The following POU2AF1 variants were observed in gnomAD, a reference collection of about 807,000 sequenced individuals.
The protein encoded by POU2AF1 is POU class 2 homeobox associating factor 1, also known as POU domain class 2-associating factor 1.
POU2AF1 carries 12 observed loss-of-function variants against 26.3 expected under a neutral mutation model. The observed-to-expected ratio is 0.46, with a 90% CI of 0.29 to 0.74. The LOEUF (loss-of-function observed/expected upper bound fraction) is 0.74, where lower values mean the gene tolerates loss of function less well. Among genes scored for constraint, POU2AF1 ranks in the 30% least tolerant of loss-of-function variants. POU2AF1 has a pLI of 0.09. For missense variants in POU2AF1, 297 were observed against 334.5 expected (o/e 0.89, Z 0.87); for synonymous variants, 175 against 148.0 (o/e 1.18, Z -1.32).
intron 1 of POU2AF1, among the ~76,000 whole-genome samples, chr11:111,371,935 A>C (rs976186215): frequency 6.6e-6 from 1 of 152,000 alleles, no homozygotes. Flanking sequence ...TAACTACTAA[A>C]GGCAAAGAAA....
chr11:111,360,438 G>T (rs778022884), intron 1 of POU2AF1, among the ~76,000 whole-genome samples: 5 of 152,232 alleles, frequency 3.3e-5, no homozygotes, highest in African/African-American at 1.2e-4. Flanking sequence ...CACGAGCAAG[G>T]CCTGGCCTTG....
chr11:111,354,556 G>C lies in POU2AF1; in HGVS notation c.476C>G (p.Pro159Arg). The C allele has an allele frequency of 6.5e-7, 1 of 1,534,798 alleles. No homozygotes were observed. The highest frequency in any genetic ancestry group is 8.7e-7 in the Non-Finnish European group (1 of 1,146,744). The change falls in exon 5 of 5, where the codon CCC (proline) becomes CGC (arginine). Residue 159 changes from proline (P) to arginine (R), a missense_variant. Transcript: ENST00000393067. The part of the protein sequence containing the change: ...TNVTTRSSAT[P>R]AVGPPLEGPE... ...GCCCTCCAGCGGGGGCCCCACTGCGGGCGTGGCGGAGCTTCTTGTCTGTGA... is the reference window on the plus strand; with the variant it reads ...GCCCTCCAGCGGGGGCCCCACTGCGCGCGTGGCGGAGCTTCTTGTCTGTGA...
At chr11:111,365,278 G>A (rs1288244011) in intron 1 of POU2AF1, among the ~76,000 whole-genome samples, 3 of 152,220 alleles carry the variant, frequency 2.0e-5, no homozygotes, top group Non-Finnish European at 4.4e-5. Flanking sequence ...CATGATGCAA[G>A]GGATTCCTTT....
intron 1 of POU2AF1, among the ~76,000 whole-genome samples, chr11:111,375,318 T>C (rs1861285758): frequency 6.6e-6 from 1 of 152,086 alleles, no homozygotes; most frequent in African/African-American, 2.4e-5. Flanking sequence ...TTGTACAAAT[T>C]ATTTAATGAA....
At chr11:111,361,491 C>T (rs1253825345) in intron 1 of POU2AF1, among the ~76,000 whole-genome samples, 1 of 152,250 alleles carries the variant, frequency 6.6e-6, no homozygotes, top group Admixed American at 6.5e-5. Context: ...TCTTCTCTCA[C>T]ACAGTGGTTG....
At chr11:111,357,877 C>A (rs76889866) in intron 2 of POU2AF1, 40 bp from the exon 3 acceptor site, 96,386 of 1,564,336 alleles carry the variant, frequency 0.062, 3,360 homozygotes, top group African/African-American at 0.12. Context: ...ATGTTTAGCC[C>A]TCGTCAACCG....
At chr11:111,360,257 A>G (rs1860979341) in intron 1 of POU2AF1, among the ~76,000 whole-genome samples, 1 of 152,096 alleles carries the variant, frequency 6.6e-6, no homozygotes, top group Non-Finnish European at 1.5e-5. Flanking sequence ...GCCCATTATT[A>G]TCCACCGATA....
At position 111,352,961 on chromosome 11, in the gene POU2AF1, G is replaced by GAC. The variant is rs1245981624; in HGVS notation, c.*1299_*1300insGT. 1 of 148,586 alleles carries GAC rather than the reference G, an allele frequency of 6.7e-6. No homozygotes were observed. Among genetic ancestry groups the GAC allele is most frequent in the Non-Finnish European group, 1.4e-5 (1 of 73,208 alleles). The allele number at this position is 148,586 out of a possible 1,614,324, so 9.2% of individuals were successfully genotyped here. A position where few individuals can be genotyped will look rare whatever the true frequency, so the allele number is the denominator to read the frequency against. On this transcript the variant is annotated 3_prime_UTR_variant, in exon 5 of 5. Transcript: ENST00000393067. ...AAAAACCAAAAAAAAGAAAGAAAGA[G>GAC]AGAGGAAGGAAGGAAGGAAGGAAGG...
chr11:111,376,492 GC>G lies in POU2AF1; in HGVS notation c.16+2669del, dbSNP rs1861312358. 5.3e-5 allele frequency among the ~76,000 whole-genome samples: 8 copies of G among 152,190 alleles called. No individual in the cohort carries two copies. The South Asian group carries it at 1.7e-3, about 31-fold the overall frequency. On this transcript the variant is annotated intron_variant, in intron 1 of 4. Transcript: ENST00000393067. ...GCAAATCTCAAATCCATTGGTTGGG[GC>G]TTGAAGATTTCTACTTCTCTGTGCC...
intron 1 of POU2AF1, among the ~76,000 whole-genome samples, chr11:111,367,945 G>C (rs1051824572): frequency 6.6e-6 from 1 of 152,136 alleles, no homozygotes; most frequent in African/African-American, 2.4e-5. Context: ...GAGCAGAAAG[G>C]GTTCGCAGAT....
chr11:111,375,390 C>T (rs917961776), intron 1 of POU2AF1, among the ~76,000 whole-genome samples: 115 of 79,478 alleles, frequency 1.4e-3, no homozygotes, highest in Admixed American at 2.1e-3. Flanking sequence ...TACTGAGTAT[C>T]TTTTTTTTTT....
chr11:111,377,395 A>G (rs1861329038), intron 1 of POU2AF1, among the ~76,000 whole-genome samples: 1 of 152,052 alleles, frequency 6.6e-6, no homozygotes, highest in Admixed American at 6.6e-5. Flanking sequence ...ACAAACAAAC[A>G]AACAAAAAAA....
intron 1 of POU2AF1, among the ~76,000 whole-genome samples, chr11:111,370,663 G>A (rs1367157818): frequency 1.3e-5 from 2 of 152,146 alleles, no homozygotes; most frequent in African/African-American, 4.8e-5. Flanking sequence ...AGTAGATTTG[G>A]TTTGAATAAG....
At chr11:111,359,754 C>A (rs373209310) in intron 1 of POU2AF1, among the ~76,000 whole-genome samples, 3 of 152,352 alleles carry the variant, frequency 2.0e-5, no homozygotes, top group East Asian at 1.9e-4. Flanking sequence ...AGATTATAAA[C>A]GTCTCAAGGT....
At chr11:111,360,153 C>T (rs760302971) in intron 1 of POU2AF1, among the ~76,000 whole-genome samples, 2 of 152,204 alleles carry the variant, frequency 1.3e-5, no homozygotes, top group African/African-American at 2.4e-5. Flanking sequence ...AACAAGCTGC[C>T]CACCTAGACA....
In POU2AF1 at chr11:111,374,434, C is replaced by T. The variant is rs141527779; in HGVS notation, c.16+4728G>A. Among the ~76,000 whole-genome samples, 314 of 152,328 alleles carry T rather than the reference C, an allele frequency of 2.1e-3. 1 individual carries two copies. The highest frequency in any genetic ancestry group is 7.1e-3 in the African/African-American group (297 of 41,578). ...TTAATTGGCCAGGCGTGGTGGTTCA[C>T]ACCTGTAATCCCAGCACTTTGGGAG... On this transcript the variant is annotated intron_variant, in intron 1 of 4. Transcript: ENST00000393067.
chr11:111,369,388 T>C (rs1472572524), intron 1 of POU2AF1, among the ~76,000 whole-genome samples: 6 of 152,220 alleles, frequency 3.9e-5, no homozygotes, highest in Admixed American at 1.3e-4. Flanking sequence ...CAGAGTATGA[T>C]GGCATTCCCT....
intron 1 of POU2AF1, 127 bp downstream of exon 1, chr11:111,379,015 CTCCCTGCTCCGGGGCTTGGA>C: frequency 6.6e-6 from 3 of 454,308 alleles, no homozygotes; most frequent in Non-Finnish European, 1.2e-5. Flanking sequence ...CACCTCCCCC[CTCCCTGCTCCGGGGCTTGGA>C]ACCCAGACCC....
In POU2AF1 at chr11:111,365,589, T is replaced by C. The variant is rs1449954159; in HGVS notation, c.17-6671A>G. On this transcript the variant is annotated intron_variant, in intron 1 of 4. Transcript: ENST00000393067. ...ATTTGTAGCAAAACTAATCAAACAA[T>C]AGGAATTCAAGACTATGGCCAACAA... 3.3e-5 allele frequency among the ~76,000 whole-genome samples: 5 copies of C among 152,110 alleles called. No homozygotes were observed. In the East Asian group the frequency reaches 9.6e-4, roughly 29 times the overall value.
Sources: gnomAD v4.1 joint callset for allele counts (sites outside exome capture counted in the v4.1 genomes callset) on GRCh38, gnomAD v4.1.1 for gene constraint, MANE v1.5 for transcripts, NCBI Gene and HGNC (gene_info 2026-07-23, HGNC 2026-07-21) for gene names.